The following CCDC88C variants were observed in gnomAD, a reference collection of about 807,000 sequenced individuals.
CCDC88C encodes the protein coiled-coil and HOOK domain protein 88C.
In CCDC88C, 131 loss-of-function variants were observed where a neutral mutation model predicts 198.8. That is an observed-to-expected ratio of 0.66 (90% CI 0.57 to 0.76). The LOEUF is 0.76. Among genes scored for constraint, CCDC88C ranks in the 30% least tolerant of loss-of-function variants. The pLI is 0.00. For synonymous variants in CCDC88C, 1,166 were observed against 1,114.7 expected, an observed-to-expected ratio of 1.05 and a Z score of -0.92; for missense variants, 2,553 against 2,631.6, an observed-to-expected ratio of 0.97 and a Z score of 0.65.
intron 26 of CCDC88C, among the ~76,000 whole-genome samples, chr14:91,282,070 A>C (rs955078953): frequency 1.3e-5 from 2 of 152,212 alleles, no homozygotes; most frequent in African/African-American, 4.8e-5. Context: ...GAGGACTGGA[A>C]AATGCCCCAC....
chr14:91,379,984 A>C (rs1884686841), intron 3 of CCDC88C: 2 of 689,412 alleles, frequency 2.9e-6, no homozygotes, highest in East Asian at 2.7e-5. Context: ...ACTGTTGGGA[A>C]CTGCGCGAGC....
At chr14:91,403,215 T>C (rs1320712541) in intron 3 of CCDC88C, among the ~76,000 whole-genome samples, 1 of 152,000 alleles carries the variant, frequency 6.6e-6, no homozygotes, top group Admixed American at 6.6e-5. Flanking sequence ...TCAGAGTGAA[T>C]CCAATGGGTA....
At position 91,307,028 on chromosome 14, in the gene CCDC88C, G is replaced by A. The variant is rs772003007; in HGVS notation, c.3195+10C>T. The A allele has an allele frequency of 1.9e-6, 3 of 1,604,252 alleles. No individual in the cohort carries two copies. The highest frequency in any genetic ancestry group is 1.1e-5 in the South Asian group (1 of 89,798). On this transcript the variant is annotated intron_variant, in intron 18 of 29. Coordinates refer to ENST00000389857, the MANE Select transcript of CCDC88C (RefSeq NM_001080414.4). ...TCCCCGATGGACCATGCCCAGGCCAGCCCACTCACATTCCGCTCCAGCTCG... is the reference window on the plus strand; with the variant it reads ...TCCCCGATGGACCATGCCCAGGCCAACCCACTCACATTCCGCTCCAGCTCG...
In CCDC88C at chr14:91,408,747, T is replaced by C. The variant is rs1420246734; in HGVS notation, c.182A>G (p.Gln61Arg). ...ATTGTTGACGTGCTTATTGATGCGT[T>C]GATTTGTGGGCCTGGGATCTCTAGG... ...MLQIDPRPTNQRINKHVNNDV... is the reference protein window; with the variant it reads ...MLQIDPRPTNRRINKHVNNDV... The change falls in exon 3 of 30, where the codon CAA (glutamine) becomes CGA (arginine). Residue 61 changes from glutamine (Q) to arginine (R), a missense_variant. Gln to Arg is a conservative substitution (Grantham distance 43, BLOSUM62 1). This residue lies in a region of CCDC88C where 1,260 missense variants were observed against 1,412.0 expected (regional missense o/e 0.89). Transcript: ENST00000389857. 5 of 1,613,580 alleles carry C rather than the reference T, an allele frequency of 3.1e-6. No individual in the cohort carries two copies.
intron 10 of CCDC88C, 65 bp downstream of exon 10, chr14:91,337,940 T>C: frequency 6.3e-7 from 1 of 1,586,810 alleles, no homozygotes; most frequent in Non-Finnish European, 8.6e-7. Context: ...GACAGGTCAG[T>C]CTGAATGTGC....
Position 91,286,058 on chromosome 14 carries a change from G to A in CCDC88C, c.4442-2541C>T. Among the ~76,000 whole-genome samples the A allele has an allele frequency of 1.3e-5, 2 of 152,134 alleles. 1 individual carries two copies. Among genetic ancestry groups the A allele is most frequent in the East Asian group, 3.8e-4 (2 of 5,200 alleles). On this transcript the variant is annotated intron_variant, in intron 25 of 29. Transcript: ENST00000389857. ...TGACTCAATTAATTTAAAGGCACCTGAACGCCAACAATTTATTTCCTCAGC... is the reference window on the plus strand; with the variant it reads ...TGACTCAATTAATTTAAAGGCACCTAAACGCCAACAATTTATTTCCTCAGC...
intron 29 of CCDC88C, 46 bp downstream of exon 29, chr14:91,277,876 C>A: frequency 6.9e-7 from 1 of 1,452,784 alleles, no homozygotes; most frequent in East Asian, 2.5e-5. Context: ...CAGGAAGAGA[C>A]AGAGAGGGAA....
Position 91,339,879 on chromosome 14 carries a change from C to T in CCDC88C, c.624+5G>A, listed in dbSNP as rs771281919. The T allele has an allele frequency of 1.5e-5, 24 of 1,578,312 alleles. No individual in the cohort carries two copies. Among genetic ancestry groups the T allele is most frequent in the East Asian group, 2.3e-5 (1 of 42,626 alleles). On this transcript the variant is annotated splice_donor_5th_base_variant and intron_variant, in intron 7 of 29. Transcript: ENST00000389857. This position sits in a 1 kb window ranked among gnomAD's most constrained non-coding sequence, Gnocchi z 5.8. ...GCTGACCGGGCCACCGACCCGCGGA[C>T]GCACCTCGGTGCACTCGTCCCGCTG...
At chr14:91,394,917 G>C (rs1381266462) in intron 3 of CCDC88C, among the ~76,000 whole-genome samples, 4 of 152,104 alleles carry the variant, frequency 2.6e-5, no homozygotes, top group Non-Finnish European at 5.9e-5. Flanking sequence ...CCAGGGGACG[G>C]GCCTTGGGTG....
chr14:91,329,774 G>A (rs1270325133), intron 10 of CCDC88C, among the ~76,000 whole-genome samples: 1 of 152,252 alleles, frequency 6.6e-6, no homozygotes, highest in Middle Eastern at 3.2e-3. Flanking sequence ...GTGCATGGAT[G>A]CAGTTAGGGC....
rs1018604709 is a variant in CCDC88C, at chr14:91,371,494, G to A, written c.271-11783C>T. Reference sequence around the variant, plus strand: ...CGCCGGTGGCAGGAGTACAGAGGCCGGCGGTGGCAGGAGTACAGCACAGAC... The same window carrying A: ...CGCCGGTGGCAGGAGTACAGAGGCCAGCGGTGGCAGGAGTACAGCACAGAC... On this transcript the variant is annotated intron_variant, in intron 3 of 29. Transcript: ENST00000389857. The surrounding 1 kb of genome is among the most constrained non-coding windows in gnomAD (Gnocchi z 4.2). Among the ~76,000 whole-genome samples, 8 of 152,118 alleles carry A rather than the reference G, an allele frequency of 5.3e-5. No individual in the cohort carries two copies. Among genetic ancestry groups the A allele is most frequent in the East Asian group, 3.9e-4 (2 of 5,166 alleles).
At chr14:91,412,047 T>C (rs1479148718) in intron 2 of CCDC88C, among the ~76,000 whole-genome samples, 1 of 152,028 alleles carries the variant, frequency 6.6e-6, no homozygotes, top group Non-Finnish European at 1.5e-5. Context: ...ACAGTAACCT[T>C]GCCCCCCTCC....
At chr14:91,387,893 G>T (rs1457684491) in intron 3 of CCDC88C, among the ~76,000 whole-genome samples, 1 of 152,216 alleles carries the variant, frequency 6.6e-6, no homozygotes, top group Non-Finnish European at 1.5e-5. Flanking sequence ...CTGGCTGCAC[G>T]TCGGAATCAC....
intron 4 of CCDC88C, 21 bp from the exon 5 acceptor site, chr14:91,343,678 A>G (rs1215208039): frequency 1.4e-5 from 22 of 1,612,984 alleles, no homozygotes; most frequent in Non-Finnish European, 1.9e-5. Context: ...AGAGCAACAC[A>G]TTTAACTCAG....
chr14:91,412,584 G>A (rs1014571626), intron 2 of CCDC88C, among the ~76,000 whole-genome samples: 2 of 152,018 alleles, frequency 1.3e-5, no homozygotes, highest in Non-Finnish European at 1.5e-5. Flanking sequence ...ACAGGCGCCC[G>A]CCACCACGCC....
At chr14:91,323,235 C>A (rs1189996681) in intron 12 of CCDC88C, among the ~76,000 whole-genome samples, 2 of 152,150 alleles carry the variant, frequency 1.3e-5, no homozygotes, top group Non-Finnish European at 2.9e-5. Flanking sequence ...CAAATCTCGT[C>A]AGCACCCCCC....
intron 3 of CCDC88C, 137 bp from the exon 4 acceptor site, chr14:91,359,848 C>A: frequency 1.4e-6 from 1 of 722,566 alleles, no homozygotes; most frequent in Non-Finnish European, 2.5e-6. Context: ...GCTAAAATGA[C>A]AGCAAGGAGC....
rs567720961 is a variant in CCDC88C at position 91,371,081 on chromosome 14, C to G, written c.271-11370G>C. Reference sequence around the variant, plus strand: ...AGAGCAGGACCCTTTCCCCACAGGACAGCACCTGCAGCAGTTCTGGGCTGC... The same window carrying G: ...AGAGCAGGACCCTTTCCCCACAGGAGAGCACCTGCAGCAGTTCTGGGCTGC... On this transcript the variant is annotated intron_variant, in intron 3 of 29. Coordinates refer to ENST00000389857, the MANE Select transcript of CCDC88C (RefSeq NM_001080414.4). This position sits in a 1 kb window ranked among gnomAD's most constrained non-coding sequence, Gnocchi z 4.2. Among the ~76,000 whole-genome samples the G allele has an allele frequency of 1.2e-4, 19 of 152,170 alleles. No individual in the cohort carries two copies. The highest frequency in any genetic ancestry group is 2.5e-4 in the Non-Finnish European group (17 of 68,026).
intron 3 of CCDC88C, among the ~76,000 whole-genome samples, chr14:91,397,782 C>G (rs960862563): frequency 2.6e-5 from 4 of 152,240 alleles, no homozygotes; most frequent in Non-Finnish European, 4.4e-5. Flanking sequence ...GGGGGGCACA[C>G]CACACGCAGC....
Sources: gnomAD v4.1 joint callset for allele counts (sites outside exome capture counted in the v4.1 genomes callset) on GRCh38, gnomAD v4.1.1 for gene constraint, gnomAD v4.1.1 regional missense constraint, Gnocchi (gnomAD v3.1) non-coding constraint, MANE v1.5 for transcripts, NCBI Gene and HGNC (gene_info 2026-07-23, HGNC 2026-07-21) for gene names.